Variants in STK24 observed in about 807,000 individuals in gnomAD.
STK24 encodes serine/threonine-protein kinase 24.
STK24 carries 21 observed loss-of-function variants against 55.6 expected under a neutral mutation model. The observed-to-expected ratio is 0.38, with a 90% CI of 0.27 to 0.54. The LOEUF (loss-of-function observed/expected upper bound fraction) is 0.54. Among genes scored for constraint, STK24 ranks in the 20% least tolerant of loss-of-function variants. The pLI is 0.79. For synonymous variants in STK24, 200 were observed against 215.2 expected (o/e 0.93, Z 0.62); for missense variants, 383 against 538.4 (o/e 0.71, Z 2.86).
intron 1 of STK24, among the ~76,000 whole-genome samples, chr13:98,559,730 A>C (rs952117601): frequency 2.6e-5 from 4 of 152,184 alleles, no homozygotes; most frequent in Non-Finnish European, 4.4e-5. Context: ...AAGTTAAATC[A>C]CTAAAGACAA....
intron 1 of STK24, among the ~76,000 whole-genome samples, chr13:98,554,268 A>G (rs1897232917): frequency 6.6e-6 from 1 of 152,198 alleles, no homozygotes; most frequent in Non-Finnish European, 1.5e-5. Flanking sequence ...AACCCCCCAA[A>G]GAGTCCATAC....
At chr13:98,466,753 T>C (rs1893939341) in intron 5 of STK24, among the ~76,000 whole-genome samples, 192 bp from the exon 6 acceptor site, 1 of 152,236 alleles carries the variant, frequency 6.6e-6, no homozygotes. Flanking sequence ...ATATGCCAAA[T>C]GTTTTCTGCC....
chr13:98,556,111 C>T (rs777600209), intron 1 of STK24, among the ~76,000 whole-genome samples: 1 of 152,198 alleles, frequency 6.6e-6, no homozygotes, highest in African/African-American at 2.4e-5. Context: ...AGAACTCTAT[C>T]TTTCCTGACT....
At chr13:98,475,671 G>A (rs1255912230) in intron 3 of STK24, among the ~76,000 whole-genome samples, 1 of 152,170 alleles carries the variant, frequency 6.6e-6, no homozygotes, top group Non-Finnish European at 1.5e-5. Context: ...CATGGCAGGG[G>A]CGGGGCGCAG....
At chr13:98,493,891 G>A (rs1045692838) in intron 2 of STK24, among the ~76,000 whole-genome samples, 9 of 149,168 alleles carry the variant, frequency 6.0e-5, no homozygotes, top group African/African-American at 2.2e-4. Flanking sequence ...AGGCTGGAGT[G>A]GAGTGCAGTG....
chr13:98,524,560 C>T (rs183045532), intron 1 of STK24, among the ~76,000 whole-genome samples: 1 of 152,220 alleles, frequency 6.6e-6, no homozygotes, highest in Admixed American at 6.5e-5. Context: ...CACACGAATG[C>T]ACCTCAGCCA....
chr13:98,501,105 C>A lies in STK24; in HGVS notation c.273+18138G>T, dbSNP rs144858760. Among the ~76,000 whole-genome samples the A allele has an allele frequency of 9.1e-3, 1,386 of 152,284 alleles. 19 individuals carry two copies. The highest frequency in any genetic ancestry group is 0.03 in the African/African-American group (1,265 of 41,548). On this transcript the variant is annotated intron_variant, in intron 2 of 10. Transcript: ENST00000539966. ...AATATTTATATCACATTATTTACAC[C>A]TCTTATGTGTAGTTTCAAACTCTTT...
chr13:98,464,658 G>T (rs1373734045), intron 6 of STK24, among the ~76,000 whole-genome samples: 5 of 151,488 alleles, frequency 3.3e-5, no homozygotes, highest in Non-Finnish European at 5.9e-5. Flanking sequence ...ACCACACCAG[G>T]CTAATTTTTT....
At chr13:98,461,604 G>A (rs980551039) in intron 8 of STK24, among the ~76,000 whole-genome samples, 170 bp downstream of exon 8, 3 of 152,108 alleles carry the variant, frequency 2.0e-5, no homozygotes, top group African/African-American at 4.8e-5. Flanking sequence ...TGAACACCTG[G>A]ATCATCAGAC....
intron 1 of STK24, among the ~76,000 whole-genome samples, chr13:98,555,014 C>CAAAAAAAAAAAAAAA (rs398024117): frequency 1.1e-5 from 1 of 88,342 alleles, no homozygotes; most frequent in African/African-American, 4.3e-5. Flanking sequence ...GACTCCAACT[C>CAAAAAAAAAAAAAAA]AAAAAAAAAA....
At chr13:98,476,811 G>C (rs1382608038) in intron 3 of STK24, among the ~76,000 whole-genome samples, 2 of 152,220 alleles carry the variant, frequency 1.3e-5, no homozygotes, top group Non-Finnish European at 2.9e-5. Flanking sequence ...CAGGGTCAGG[G>C]CCACTCTCAG....
intron 1 of STK24, among the ~76,000 whole-genome samples, chr13:98,527,284 A>G (rs893679787): frequency 6.6e-6 from 1 of 152,166 alleles, no homozygotes; most frequent in African/African-American, 2.4e-5. Context: ...AGCCTAGGCA[A>G]CAAAGTGAGA....
chr13:98,475,171 C>T lies in STK24; in HGVS notation c.439+79G>A. 3 of 1,436,496 alleles carry T rather than the reference C, an allele frequency of 2.1e-6. No homozygotes were observed. In the Admixed American group the frequency reaches 6.2e-5, roughly 30 times the overall value. The allele number at this position is 1,436,496 out of a possible 1,614,324, so 89.0% of individuals were successfully genotyped here. On this transcript the variant is annotated intron_variant, in intron 4 of 10. Transcript: ENST00000539966. ...CGTGCAGGACAAATGGGCGCCAGCA[C>T]CTTCCCTTGAGAAGTCTTCAGGGCA...
chr13:98,489,304 C>G (rs1894929677), intron 2 of STK24, among the ~76,000 whole-genome samples: 1 of 152,182 alleles, frequency 6.6e-6, no homozygotes, highest in Admixed American at 6.5e-5. Context: ...GCTTGCGAAC[C>G]CGGAAGAAAT....
intron 2 of STK24, among the ~76,000 whole-genome samples, chr13:98,514,021 A>G (rs1204557403): frequency 6.6e-6 from 1 of 152,266 alleles, no homozygotes; most frequent in Non-Finnish European, 1.5e-5. Context: ...AACAGGATAC[A>G]TTCATCATCA....
At chr13:98,544,335 C>G (rs1896976289) in intron 1 of STK24, among the ~76,000 whole-genome samples, 1 of 152,204 alleles carries the variant, frequency 6.6e-6, no homozygotes, top group African/African-American at 2.4e-5. Context: ...CCCAGCAGGC[C>G]TGGCCCACGA....
At position 98,535,357 on chromosome 13, in the gene STK24, CAAACA is replaced by C. The variant is rs768607432; in HGVS notation, c.43-15889_43-15885del. On this transcript the variant is annotated intron_variant, in intron 1 of 10. Coordinates refer to ENST00000539966, the MANE Select transcript of STK24 (RefSeq NM_001032296.4). ...TGTCTCAAACAAACAAACAAACAAACAAACAAAAAAAAAATATATATATATATATA... is the reference window on the plus strand; with the variant it reads ...TGTCTCAAACAAACAAACAAACAAACAAAAAAAAATATATATATATATATA... Among the ~76,000 whole-genome samples, 109 of 37,076 alleles carry C rather than the reference CAAACA, an allele frequency of 2.9e-3. 1 individual carries two copies. Among genetic ancestry groups the C allele is most frequent in the African/African-American group, 5.2e-3 (79 of 15,276 alleles). The allele number at this position is 37,076 out of a possible 152,430, so 24.3% of individuals were successfully genotyped here.
chr13:98,459,861 G>A (rs886265701), intron 9 of STK24, among the ~76,000 whole-genome samples: 9 of 152,268 alleles, frequency 5.9e-5, no homozygotes, highest in South Asian at 2.1e-4. Flanking sequence ...CTCAAAACAC[G>A]GCCACGGGAG....
At chr13:98,543,089 G>A in intron 1 of STK24, 1 of 909,490 alleles carries the variant, frequency 1.1e-6, no homozygotes, top group Non-Finnish European at 1.3e-6. Flanking sequence ...AGAGGCCGCA[G>A]CTCCGCTCCG....
Sources: gnomAD v4.1 joint callset for allele counts (sites outside exome capture counted in the v4.1 genomes callset) on GRCh38, gnomAD v4.1.1 for gene constraint, MANE v1.5 for transcripts, NCBI Gene and HGNC (gene_info 2026-07-23, HGNC 2026-07-21) for gene names.